PLCH1: variants seen among roughly 807,000 people sequenced by gnomAD.
PLCH1 encodes the protein phospholipase C eta 1.
PLCH1 carries 60 observed loss-of-function variants against 126.7 expected under a neutral mutation model. The observed-to-expected ratio is 0.47, with a 90% CI of 0.38 to 0.59. The LOEUF (loss-of-function observed/expected upper bound fraction) is 0.59, where lower values mean the gene tolerates loss of function less well. Ranked by LOEUF, PLCH1 falls within the 20% of genes least tolerant of loss-of-function variation. The pLI is 0.00. For missense variants in PLCH1, 1,723 were observed against 2,040.0 expected, an observed-to-expected ratio of 0.84 and a Z score of 2.99; for synonymous variants, 719 against 734.9, an observed-to-expected ratio of 0.98 and a Z score of 0.35.
intron 21 of PLCH1, among the ~76,000 whole-genome samples, chr3:155,467,249 C>G (rs1176877104): frequency 6.6e-6 from 1 of 151,246 alleles, no homozygotes; most frequent in East Asian, 1.9e-4. Flanking sequence ...TAGAAGTCTT[C>G]TGACCAAAAA....
At position 155,494,285 on chromosome 3, in the gene PLCH1, T is replaced by C. The variant is rs1250884943; in HGVS notation, c.2075-37A>G. 2.5e-6 allele frequency: 4 copies of C among 1,610,556 alleles called. No individual in the cohort carries two copies. The East Asian group carries it at 8.9e-5, about 36-fold the overall frequency. On this transcript the variant is annotated intron_variant, in intron 16 of 22. Coordinates refer to ENST00000460012, the MANE Select transcript of PLCH1 (RefSeq NM_014996.4). ...GAAAGTGGGAGAGAATTAGGCAAGA[T>C]GGTGGCATAGTGAGAATATACAGAG...
chr3:155,526,408 T>TTC (rs541596977), intron 10 of PLCH1, among the ~76,000 whole-genome samples: 5 of 116,100 alleles, frequency 4.3e-5, no homozygotes, highest in African/African-American at 1.1e-4. Context: ...CTCTCTCTCT[T>TTC]TCTCTCTCTC....
intron 2 of PLCH1, among the ~76,000 whole-genome samples, chr3:155,648,171 C>T (rs1390872584): frequency 6.6e-6 from 1 of 152,134 alleles, no homozygotes; most frequent in Non-Finnish European, 1.5e-5. Context: ...CCCACAAGGT[C>T]AGAGCTCAGG....
intron 2 of PLCH1, among the ~76,000 whole-genome samples, chr3:155,634,230 G>C (rs1738447306): frequency 6.6e-6 from 1 of 152,202 alleles, no homozygotes; most frequent in Non-Finnish European, 1.5e-5. Context: ...AGGGCTGTAA[G>C]AGCCTGGCCT....
chr3:155,537,839 T>C (rs1163440656), intron 10 of PLCH1, among the ~76,000 whole-genome samples: 1 of 152,080 alleles, frequency 6.6e-6, no homozygotes, highest in African/African-American at 2.4e-5. Flanking sequence ...AGACAGGTCA[T>C]CAAGACAGAA....
At chr3:155,717,701 C>T (rs1245113219) in intron 1 of PLCH1, among the ~76,000 whole-genome samples, 1 of 152,210 alleles carries the variant, frequency 6.6e-6, no homozygotes, top group Non-Finnish European at 1.5e-5. Context: ...CTGGACCTGG[C>T]CCACAAAACT....
At chr3:155,614,826 A>C (rs1282199720) in intron 2 of PLCH1, among the ~76,000 whole-genome samples, 1 of 152,224 alleles carries the variant, frequency 6.6e-6, no homozygotes. Flanking sequence ...GAAACCATAA[A>C]TATTCTAGAA....
chr3:155,675,789 CT>C (rs1214580093), intron 2 of PLCH1, among the ~76,000 whole-genome samples: 2 of 152,132 alleles, frequency 1.3e-5, no homozygotes. Context: ...GCAAATTCTA[CT>C]CTTATAAAAG....
chr3:155,629,993 G>T (rs1257648855), intron 2 of PLCH1, among the ~76,000 whole-genome samples: 1 of 152,192 alleles, frequency 6.6e-6, no homozygotes, highest in Non-Finnish European at 1.5e-5. Context: ...CAGCCTCCTA[G>T]TTAACTACTA....
intron 2 of PLCH1, among the ~76,000 whole-genome samples, chr3:155,621,107 T>C (rs1388545611): frequency 3.9e-5 from 6 of 152,124 alleles, no homozygotes; most frequent in African/African-American, 1.4e-4. Context: ...CCACTGGTGA[T>C]ACCCAGGCAA....
At chr3:155,597,135 A>G (rs1175799573) in intron 2 of PLCH1, among the ~76,000 whole-genome samples, 1 of 74,976 alleles carries the variant, frequency 1.3e-5, no homozygotes. Context: ...TGGTGCCCCA[A>G]CTTTTCCTTT....
At position 155,669,542 on chromosome 3, in the gene PLCH1, C is replaced by T. The variant is rs114483459; in HGVS notation, c.79+34604G>A. 4.9e-3 allele frequency among the ~76,000 whole-genome samples: 752 copies of T among 152,340 alleles called. 6 individuals are homozygous for T. The highest frequency in any genetic ancestry group is 7.6e-3 in the Admixed American group (116 of 15,310). ...ACAGTGAGCCAAGATTGTGCCACTG[C>T]ACTCTAGCTTGGACAACAAAATTTG... On this transcript the variant is annotated intron_variant, in intron 2 of 22. Coordinates refer to ENST00000460012, the MANE Select transcript of PLCH1 (RefSeq NM_014996.4).
At position 155,506,678 on chromosome 3, in the gene PLCH1, G is replaced by T. The variant is rs1318986480; in HGVS notation, c.1633-2052C>A. ...TCATCCATGTCCCTACAAAGGACAT[G>T]AACTCGTCATTTTTTATGGCTGCAT... On this transcript the variant is annotated intron_variant, in intron 12 of 22. Coordinates refer to ENST00000460012, the MANE Select transcript of PLCH1 (RefSeq NM_014996.4). Among the ~76,000 whole-genome samples the T allele has an allele frequency of 4.7e-5, 7 of 148,312 alleles. No individual in the cohort carries two copies. The East Asian group carries it at 1.4e-3, about 30-fold the overall frequency.
chr3:155,710,846 A>C (rs965592627), intron 1 of PLCH1, among the ~76,000 whole-genome samples: 2 of 151,984 alleles, frequency 1.3e-5, no homozygotes, highest in South Asian at 2.1e-4. Context: ...AAAAAAAAAA[A>C]AAACTAGTTT....
chr3:155,591,171 T>G (rs1391810536), intron 4 of PLCH1, among the ~76,000 whole-genome samples: 3 of 152,240 alleles, frequency 2.0e-5, no homozygotes, highest in African/African-American at 7.2e-5. Flanking sequence ...TATGGAATGC[T>G]GTGAACTTGT....
chr3:155,733,949 A>G (rs62284702), intron 1 of PLCH1, among the ~76,000 whole-genome samples: 11,066 of 74,064 alleles, frequency 0.15, 583 homozygotes, highest in Non-Finnish European at 0.2. Context: ...ATATATATAT[A>G]TATATATATA....
intron 6 of PLCH1, among the ~76,000 whole-genome samples, chr3:155,573,995 C>T (rs1577047540): frequency 1.3e-5 from 2 of 152,024 alleles, no homozygotes; most frequent in East Asian, 3.9e-4. Flanking sequence ...CCAAATGCAA[C>T]CTCCACCTCC....
intron 2 of PLCH1, among the ~76,000 whole-genome samples, chr3:155,686,258 G>A (rs1268612246): frequency 1.3e-5 from 2 of 152,056 alleles, no homozygotes; most frequent in Non-Finnish European, 2.9e-5. Context: ...GTGCAAAGAG[G>A]GGCAAGACTG....
chr3:155,572,971 C>T (rs185785904), intron 6 of PLCH1, among the ~76,000 whole-genome samples: 180 of 152,040 alleles, frequency 1.2e-3, no homozygotes, highest in African/African-American at 4.2e-3. Flanking sequence ...TGGTCTCGAA[C>T]TCCTGGCCTC....
Sources: gnomAD v4.1 joint callset for allele counts (sites outside exome capture counted in the v4.1 genomes callset) on GRCh38, gnomAD v4.1.1 for gene constraint, MANE v1.5 for transcripts, NCBI Gene and HGNC (gene_info 2026-07-23, HGNC 2026-07-21) for gene names.